Variants in CCBE1 observed in about 807,000 individuals in gnomAD.
CCBE1 encodes collagen and calcium binding EGF domains 1.
A neutral mutation model predicts 50.0 loss-of-function variants in CCBE1; 37 were observed. That is an observed-to-expected ratio of 0.74 (90% CI 0.57 to 0.97). CCBE1 has a LOEUF of 0.97. Among genes scored for constraint, CCBE1 ranks in the 50% least tolerant of loss-of-function variants. The pLI is 0.00. For synonymous variants in CCBE1, 234 were observed against 203.7 expected, an observed-to-expected ratio of 1.15 and a Z score of -1.27; for missense variants, 538 against 523.8, an observed-to-expected ratio of 1.03 and a Z score of -0.26.
chr18:59,502,439 C>T (rs1347173112), intron 2 of CCBE1, among the ~76,000 whole-genome samples: 1 of 137,050 alleles, frequency 7.3e-6, no homozygotes, highest in African/African-American at 2.9e-5. Flanking sequence ...ACCCCCACTA[C>T]CCCTAACATC....
chr18:59,566,625 T>C (rs1165074704), intron 2 of CCBE1, among the ~76,000 whole-genome samples: 1 of 152,222 alleles, frequency 6.6e-6, no homozygotes, highest in African/African-American at 2.4e-5. Context: ...TGTTCTGTTC[T>C]GGTGTAGATT....
intron 2 of CCBE1, among the ~76,000 whole-genome samples, chr18:59,641,809 C>T (rs914686585): frequency 1.3e-5 from 2 of 152,118 alleles, no homozygotes; most frequent in Admixed American, 1.3e-4. Context: ...CATGGAAGGA[C>T]AGAAAGCATT....
intron 2 of CCBE1, among the ~76,000 whole-genome samples, chr18:59,695,815 G>A (rs1002657592): frequency 2.6e-5 from 4 of 152,210 alleles, no homozygotes; most frequent in African/African-American, 9.7e-5. Flanking sequence ...ACATTACCTT[G>A]TACAGCGCCT....
chr18:59,607,792 C>T (rs145620624), intron 2 of CCBE1, among the ~76,000 whole-genome samples: 2,763 of 152,212 alleles, frequency 0.018, 67 homozygotes, highest in African/African-American at 0.063. Flanking sequence ...TGGGGATGAA[C>T]GGCCAGGCGC....
chr18:59,584,512 A>AG (rs1429508327), intron 2 of CCBE1, among the ~76,000 whole-genome samples: 1 of 152,158 alleles, frequency 6.6e-6, no homozygotes, highest in Non-Finnish European at 1.5e-5. Context: ...ATAATAAAAA[A>AG]AGAAATGTAA....
intron 2 of CCBE1, among the ~76,000 whole-genome samples, chr18:59,632,218 C>T (rs2053858348): frequency 6.6e-6 from 1 of 152,138 alleles, no homozygotes; most frequent in Non-Finnish European, 1.5e-5. Flanking sequence ...CTCAGGATCA[C>T]GAGGGCACTG....
At chr18:59,550,612 A>C (rs1448836246) in intron 2 of CCBE1, among the ~76,000 whole-genome samples, 3 of 152,126 alleles carry the variant, frequency 2.0e-5, no homozygotes, top group African/African-American at 7.2e-5. Context: ...GCCTGCCCAA[A>C]CCGTGAGCCC....
At chr18:59,510,462 C>T (rs1914083539) in intron 2 of CCBE1, among the ~76,000 whole-genome samples, 1 of 151,936 alleles carries the variant, frequency 6.6e-6, no homozygotes, top group African/African-American at 2.4e-5. Context: ...GCCCTTGTCA[C>T]CCAGACTGGA....
intron 5 of CCBE1, among the ~76,000 whole-genome samples, chr18:59,464,290 T>A (rs990958184): frequency 1.3e-5 from 2 of 151,694 alleles, no homozygotes; most frequent in African/African-American, 4.8e-5. Context: ...TAGCAGGGAG[T>A]GGTAGCAGGC....
intron 2 of CCBE1, among the ~76,000 whole-genome samples, chr18:59,535,683 A>G (rs1915219427): frequency 6.6e-6 from 1 of 152,246 alleles, no homozygotes; most frequent in African/African-American, 2.4e-5. Context: ...TCATACAGAG[A>G]AATATTACAT....
intron 2 of CCBE1, among the ~76,000 whole-genome samples, chr18:59,499,633 C>T (rs191259208): frequency 1.2e-4 from 18 of 152,236 alleles, no homozygotes; most frequent in East Asian, 3.9e-4. Context: ...GAGAACAGCA[C>T]GGGAAAGAAC....
intron 2 of CCBE1, among the ~76,000 whole-genome samples, chr18:59,661,482 G>T (rs548550740): frequency 6.6e-6 from 1 of 152,146 alleles, no homozygotes; most frequent in Non-Finnish European, 1.5e-5. Flanking sequence ...ATGAAATGGG[G>T]TGAGAACAAG....
In CCBE1 at chr18:59,475,167, A is replaced by G. The variant is rs541741393; in HGVS notation, c.265+5019T>C. ...ATCTATTTTCTATCCTCTCTGTCCT[A>G]TTTCTTTTGGCACCATTCTAACTCA... On this transcript the variant is annotated intron_variant, in intron 3 of 10. Coordinates refer to ENST00000439986, the MANE Select transcript of CCBE1 (RefSeq NM_133459.4). 3.9e-4 allele frequency among the ~76,000 whole-genome samples: 59 copies of G among 152,108 alleles called. No homozygotes were observed. In the South Asian group the frequency reaches 0.012, roughly 30 times the overall value.
At chr18:59,544,348 G>T (rs2144393239) in intron 2 of CCBE1, among the ~76,000 whole-genome samples, 1 of 152,236 alleles carries the variant, frequency 6.6e-6, no homozygotes, top group South Asian at 2.1e-4. Flanking sequence ...ATTGCTGTAG[G>T]CTTTTTATTA....
In CCBE1 at chr18:59,469,592, G is replaced by T. The variant is rs775426364; in HGVS notation, c.281C>A (p.Ala94Asp). 1 of 1,614,128 alleles carries T rather than the reference G, an allele frequency of 6.2e-7. No homozygotes were observed. Among genetic ancestry groups the T allele is most frequent in the Non-Finnish European group, 8.5e-7 (1 of 1,180,032 alleles). The stretch of plus-strand genomic sequence containing the variant: ...GCACTGCTGTTCACAGGGAGCCTCG[G>T]CACAAACGTCGTAATCTGAAAAAGC... The part of the protein sequence containing the change: ...QCIPEDYDVC[A>D]EAPCEQQCTD... Residue 94 changes from alanine to aspartate, a missense_variant, in exon 4 of 11, where the codon GCC becomes GAC. Physicochemically the swap from Ala to Asp is moderately radical, Grantham distance 126 (BLOSUM62 -2). Transcript: ENST00000439986.
chr18:59,463,268 G>A (rs1257558209), intron 5 of CCBE1, among the ~76,000 whole-genome samples: 1 of 152,172 alleles, frequency 6.6e-6, no homozygotes, highest in Admixed American at 6.5e-5. Flanking sequence ...GGCAGACCTT[G>A]TCACTGCACT....
chr18:59,651,050 C>G (rs1371110848), intron 2 of CCBE1, among the ~76,000 whole-genome samples: 2 of 152,130 alleles, frequency 1.3e-5, no homozygotes, highest in African/African-American at 2.4e-5. Context: ...CCACAGCCAG[C>G]TAATCAACTT....
chr18:59,657,729 G>A (rs2054209762), intron 2 of CCBE1, among the ~76,000 whole-genome samples: 1 of 152,018 alleles, frequency 6.6e-6, no homozygotes, highest in African/African-American at 2.4e-5. Context: ...CGTCTCTACT[G>A]AAAAAACAAA....
Position 59,697,420 on chromosome 18 carries a change from C to A in CCBE1, c.-78G>T. ...CCTGCTCCTCCGCGGCCGCCGCCGC[C>A]TTCCCTCTTCCCGGCAGGGGGCGCC... On this transcript the variant is annotated 5_prime_UTR_variant, in exon 1 of 11. The change creates a new upstream start codon in the 5' untranslated region. Coordinates refer to ENST00000439986, the MANE Select transcript of CCBE1 (RefSeq NM_133459.4). 1 of 1,499,320 alleles carries A rather than the reference C, an allele frequency of 6.7e-7. No homozygotes were observed. The highest frequency in any genetic ancestry group is 8.9e-7 in the Non-Finnish European group (1 of 1,126,638). 92.9% of individuals were successfully genotyped at this position (1,499,320 alleles called of 1,614,324 possible). A position where few individuals can be genotyped will look rare whatever the true frequency, so the allele number is the denominator to read the frequency against.
Sources: gnomAD v4.1 joint callset for allele counts (sites outside exome capture counted in the v4.1 genomes callset) on GRCh38, gnomAD v4.1.1 for gene constraint, MANE v1.5 for transcripts, NCBI Gene and HGNC (gene_info 2026-07-23, HGNC 2026-07-21) for gene names.